Variants in CCSER2 observed in about 807,000 individuals in gnomAD.
The protein encoded by CCSER2 is serine-rich coiled-coil domain-containing protein 2.
A neutral mutation model predicts 92.3 loss-of-function variants in CCSER2; 46 were observed. That is an observed-to-expected ratio of 0.50 (90% CI 0.39 to 0.64). The LOEUF is 0.64. CCSER2 is among the 30% of genes least tolerant of loss of function. The pLI is 0.00. For synonymous variants in CCSER2, 433 were observed against 431.4 expected (o/e 1.00, Z -0.04); for missense variants, 1,244 against 1,238.9 (o/e 1.00, Z -0.06).
intron 7 of CCSER2, among the ~76,000 whole-genome samples, chr10:84,464,435 GT>G (rs11427286): frequency 4.0e-5 from 6 of 151,358 alleles, no homozygotes; most frequent in Admixed American, 1.3e-4. Context: ...GAGTGAAAGT[GT>G]TTTTTTATAA....
chr10:84,386,527 G>A (rs185634589), intron 3 of CCSER2, among the ~76,000 whole-genome samples: 16 of 152,312 alleles, frequency 1.1e-4, no homozygotes, highest in African/African-American at 3.8e-4. Context: ...GACCAGCTTG[G>A]CCAACATGGC....
chr10:84,482,620 G>T (rs939520671), intron 9 of CCSER2, among the ~76,000 whole-genome samples: 1 of 152,108 alleles, frequency 6.6e-6, no homozygotes, highest in Non-Finnish European at 1.5e-5. Flanking sequence ...TGTACCTTTT[G>T]TAGTCCATTT....
intron 6 of CCSER2, among the ~76,000 whole-genome samples, chr10:84,448,471 G>T (rs1389379277): frequency 6.6e-6 from 1 of 152,076 alleles, no homozygotes; most frequent in Non-Finnish European, 1.5e-5. Context: ...CTTAGGCTCT[G>T]AAACTTCCTG....
At position 84,370,910 on chromosome 10, in the gene CCSER2, T is replaced by C. The variant is rs577209639; in HGVS notation, c.-39-104T>C. On this transcript the variant is annotated intron_variant, in intron 1 of 9. Coordinates refer to ENST00000372088, the MANE Select transcript of CCSER2 (RefSeq NM_001284240.2). ...GTTCTGTAGGAATCATGAGTAGCTT[T>C]TGGGTTTTTCTGCGTATAAAAGTGT... 3.7e-4 allele frequency: 179 copies of C among 488,326 alleles called. 1 individual carries two copies. The highest frequency in any genetic ancestry group is 7.4e-4 in the Admixed American group (19 of 25,786). 30.2% of individuals were successfully genotyped at this position (488,326 alleles called of 1,614,324 possible).
chr10:84,428,061 C>A (rs972814375), intron 5 of CCSER2, among the ~76,000 whole-genome samples: 2 of 152,218 alleles, frequency 1.3e-5, no homozygotes, highest in Non-Finnish European at 2.9e-5. Context: ...AGCCCACTTT[C>A]CCTCTTTATT....
In CCSER2 at chr10:84,437,898, G is replaced by A. The variant is rs529806180; in HGVS notation, c.1869-614G>A. On this transcript the variant is annotated intron_variant, in intron 5 of 9. Coordinates refer to ENST00000372088, the MANE Select transcript of CCSER2 (RefSeq NM_001284240.2). Reference sequence around the variant, plus strand: ...GGGGTAATTTTTTGTATTTTTAGTAGGGATGAGGTTTCACCGAGAGTAGAT... The same window carrying A: ...GGGGTAATTTTTTGTATTTTTAGTAAGGATGAGGTTTCACCGAGAGTAGAT... Among the ~76,000 whole-genome samples, 10 of 151,518 alleles carry A rather than the reference G, an allele frequency of 6.6e-5. No individual in the cohort carries two copies. The East Asian group carries it at 1.8e-3, about 27-fold the overall frequency.
In CCSER2 at chr10:84,481,136, C is replaced by T. The variant is rs537045569; in HGVS notation, c.2325+3472C>T. 2.1e-3 allele frequency among the ~76,000 whole-genome samples: 319 copies of T among 152,100 alleles called. 2 individuals carry two copies. The highest frequency in any genetic ancestry group is 0.017 in the South Asian group (84 of 4,824). On this transcript the variant is annotated intron_variant, in intron 9 of 9. Coordinates refer to ENST00000372088, the MANE Select transcript of CCSER2 (RefSeq NM_001284240.2). ...GTCATTAGTTTATTTAAAAAAAGCC[C>T]CTGATATTTCCCTCCACAAACGAGG...
chr10:84,330,814 A>T (rs934144100), intron 1 of CCSER2, among the ~76,000 whole-genome samples: 9 of 149,740 alleles, frequency 6.0e-5, no homozygotes, highest in African/African-American at 1.8e-4. Flanking sequence ...CAGTTATGTT[A>T]AAAAAAATCC....
At chr10:84,330,416 T>C (rs1843498261) in intron 1 of CCSER2, among the ~76,000 whole-genome samples, 1 of 152,218 alleles carries the variant, frequency 6.6e-6, no homozygotes, top group Non-Finnish European at 1.5e-5. Context: ...AGACATTTCA[T>C]CCCTCTTGTC....
Position 84,446,870 on chromosome 10 carries a change from GTATT to G in CCSER2, c.2064+8164_2064+8167del, listed in dbSNP as rs1166394926. On this transcript the variant is annotated intron_variant, in intron 6 of 9. Transcript: ENST00000372088. ...TTATATAAGTGAAATTATAATGTGA[GTATT>G]CCTCTATGGCTTCTTTCATTCAACT... is the stretch of plus-strand genomic sequence containing the variant. Among the ~76,000 whole-genome samples the G allele has an allele frequency of 2.5e-3, 384 of 152,086 alleles. 2 individuals are homozygous for G. The highest frequency in any genetic ancestry group is 8.5e-3 in the African/African-American group (352 of 41,506).
intron 9 of CCSER2, among the ~76,000 whole-genome samples, chr10:84,490,493 T>A (rs1334771307): frequency 6.6e-6 from 1 of 152,248 alleles, no homozygotes; most frequent in Non-Finnish European, 1.5e-5. Flanking sequence ...ATTCATTTGA[T>A]CTTCAATCAC....
intron 6 of CCSER2, among the ~76,000 whole-genome samples, chr10:84,463,220 A>G (rs1846203782): frequency 6.6e-6 from 1 of 152,194 alleles, no homozygotes; most frequent in South Asian, 2.1e-4. Flanking sequence ...TTGAGGCATG[A>G]GATACATCCA....
intron 3 of CCSER2, among the ~76,000 whole-genome samples, chr10:84,385,967 C>T (rs886419196): frequency 6.6e-6 from 1 of 151,764 alleles, no homozygotes; most frequent in South Asian, 2.1e-4. Flanking sequence ...AAGCAGCCAA[C>T]AAACATAAAA....
intron 9 of CCSER2, among the ~76,000 whole-genome samples, chr10:84,502,215 T>C (rs546833377): frequency 4.6e-5 from 7 of 152,118 alleles, no homozygotes; most frequent in African/African-American, 1.7e-4. Context: ...CTTCTTTTCC[T>C]ATACTAAACT....
Position 84,513,979 on chromosome 10 carries a change from A to G in CCSER2, c.2856A>G (p.Ile952Met). 1 of 1,536,670 alleles carries G rather than the reference A, an allele frequency of 6.5e-7. No homozygotes were observed. The highest frequency in any genetic ancestry group is 8.7e-7 in the Non-Finnish European group (1 of 1,147,036). Residue 952 changes from isoleucine to methionine, a missense_variant, in exon 10 of 10, where the codon ATA becomes ATG. Ile to Met is a conservative substitution (Grantham distance 10). Transcript: ENST00000372088. ...CTCCCACTTGTAAAAAGTCACCAAT[A>G]ATCACAACATGTAATTCAGCAAAAC... ...SRTPTCKKSP[I>M]ITTCNSAKLQ... is the part of the protein sequence containing the mutation.
intron 9 of CCSER2, among the ~76,000 whole-genome samples, chr10:84,505,892 C>G (rs1342623456): frequency 6.6e-6 from 1 of 151,866 alleles, no homozygotes; most frequent in Non-Finnish European, 1.5e-5. Context: ...AGTCTTTTTT[C>G]TGTACCATAA....
At chr10:84,479,122 G>T (rs1467137787) in intron 9 of CCSER2, among the ~76,000 whole-genome samples, 1 of 152,236 alleles carries the variant, frequency 6.6e-6, no homozygotes, top group Admixed American at 6.5e-5. Flanking sequence ...GGCTCCTTCA[G>T]CCTCACTGTT....
intron 9 of CCSER2, among the ~76,000 whole-genome samples, chr10:84,485,144 C>T (rs981249707): frequency 3.3e-5 from 5 of 151,866 alleles, no homozygotes; most frequent in African/African-American, 1.2e-4. Flanking sequence ...TATTTTTCAA[C>T]CAATTTTCCA....
intron 1 of CCSER2, among the ~76,000 whole-genome samples, chr10:84,330,867 T>C (rs1200482182): frequency 2.0e-5 from 3 of 152,192 alleles, no homozygotes; most frequent in East Asian, 1.9e-4. Context: ...CAATAAAGAT[T>C]GCTGCTTCAT....
Sources: allele counts gnomAD v4.1 joint callset (sites outside exome capture counted in the v4.1 genomes callset), GRCh38; gene constraint gnomAD v4.1.1; transcripts MANE v1.5; gene names NCBI Gene and HGNC (gene_info 2026-07-23, HGNC 2026-07-21).